The following RGS7 variants were observed in gnomAD, a reference collection of about 807,000 sequenced individuals.
RGS7 encodes regulator of G-protein signaling 7.
Under a neutral mutation model 81.1 loss-of-function variants are expected in RGS7, and 27 were observed. The ratio of observed to expected loss-of-function variants is 0.33; its 90% CI spans 0.25 to 0.46. The LOEUF (loss-of-function observed/expected upper bound fraction) is 0.46, where lower values mean the gene tolerates loss of function less well. Among genes scored for constraint, RGS7 ranks in the 20% least tolerant of loss-of-function variants. The probability of loss-of-function intolerance (pLI) is 1.00; values close to 1 mark genes in which losing one functional copy is unlikely to be tolerated. For synonymous variants in RGS7, 208 were observed against 207.7 expected, an observed-to-expected ratio of 1.00 and a Z score of -0.01; for missense variants, 396 against 607.4, an observed-to-expected ratio of 0.65 and a Z score of 3.66.
chr1:241,311,142 A>G (rs1297211211), intron 2 of RGS7, among the ~76,000 whole-genome samples: 1 of 152,226 alleles, frequency 6.6e-6, no homozygotes, highest in East Asian at 1.9e-4. Flanking sequence ...TAAGACAATT[A>G]AAAGTATTGC....
At chr1:241,219,255 T>G (rs2686234) in intron 2 of RGS7, among the ~76,000 whole-genome samples, 43,878 of 152,046 alleles carry the variant, frequency 0.29, 6,727 homozygotes, top group African/African-American at 0.4. Flanking sequence ...TCCCATGCTG[T>G]TCCTGTGGTA....
chr1:240,813,953 C>G (rs1450262877), intron 12 of RGS7, among the ~76,000 whole-genome samples: 5 of 152,156 alleles, frequency 3.3e-5, no homozygotes, highest in African/African-American at 1.2e-4. Context: ...CATGCCTAAG[C>G]CATGTAAATC....
chr1:241,020,146 T>C (rs1329906970), intron 3 of RGS7, among the ~76,000 whole-genome samples: 1 of 152,232 alleles, frequency 6.6e-6, no homozygotes, highest in Non-Finnish European at 1.5e-5. Context: ...ATGAAGTTGC[T>C]ACAGGGGATA....
chr1:240,973,941 T>C (rs1006645473), intron 4 of RGS7, among the ~76,000 whole-genome samples: 8 of 152,178 alleles, frequency 5.3e-5, no homozygotes, highest in Non-Finnish European at 8.8e-5. Flanking sequence ...TGTAATTTCA[T>C]TGGCAGTTTA....
intron 2 of RGS7, among the ~76,000 whole-genome samples, chr1:241,104,476 GA>G (rs11295990): frequency 0.097 from 14,731 of 152,086 alleles, 1,665 homozygotes; most frequent in African/African-American, 0.28. Flanking sequence ...TGTAAGCTAT[GA>G]AAAAAATCAT....
intron 2 of RGS7, among the ~76,000 whole-genome samples, chr1:241,216,263 C>A (rs1415117910): frequency 6.6e-6 from 1 of 151,298 alleles, no homozygotes; most frequent in African/African-American, 2.4e-5. Flanking sequence ...CAAAGCGAGA[C>A]CCTGTCTCAG....
chr1:241,080,961 C>T (rs1285225478), intron 3 of RGS7, among the ~76,000 whole-genome samples: 2 of 152,098 alleles, frequency 1.3e-5, no homozygotes, highest in African/African-American at 2.4e-5. Flanking sequence ...CACGTGGTTT[C>T]GAATATGGGT....
intron 2 of RGS7, among the ~76,000 whole-genome samples, chr1:241,220,693 A>T (rs2074840412): frequency 1.3e-5 from 2 of 152,136 alleles, no homozygotes; most frequent in African/African-American, 4.8e-5. Flanking sequence ...TATTAGTATT[A>T]TTAATACTTT....
At chr1:240,827,270 GC>G in intron 9 of RGS7, 98 bp from the exon 10 acceptor site, 6 of 928,326 alleles carry the variant, frequency 6.5e-6, no homozygotes, top group Non-Finnish European at 1.1e-5. Flanking sequence ...CCGAGCAAAT[GC>G]CCCAATGACA....
At chr1:240,960,232 T>TTTTGTTGTTG (rs71172665) in intron 4 of RGS7, among the ~76,000 whole-genome samples, 1 of 70,182 alleles carries the variant, frequency 1.4e-5, no homozygotes, top group Non-Finnish European at 3.1e-5. Context: ...TTTTTTTTTT[T>TTTTGTTGTTG]TTGTTGTTGT....
intron 2 of RGS7, among the ~76,000 whole-genome samples, chr1:241,127,582 A>G (rs1399989178): frequency 2.0e-5 from 3 of 152,096 alleles, no homozygotes; most frequent in African/African-American, 7.2e-5. Context: ...TAGGAGATAT[A>G]CCTAATGCTA....
intron 2 of RGS7, among the ~76,000 whole-genome samples, chr1:241,224,203 C>T (rs1017574643): frequency 3.9e-5 from 6 of 152,118 alleles, no homozygotes; most frequent in Admixed American, 1.3e-4. Flanking sequence ...CCCATCAACT[C>T]GTCACCTACA....
intron 6 of RGS7, among the ~76,000 whole-genome samples, chr1:240,916,662 C>T (rs1022085848): frequency 1.3e-5 from 2 of 152,060 alleles, no homozygotes; most frequent in African/African-American, 4.8e-5. Flanking sequence ...AGGAGATGGG[C>T]CTATACAGGG....
chr1:241,092,060 G>A (rs2063920715), intron 3 of RGS7, among the ~76,000 whole-genome samples: 3 of 152,126 alleles, frequency 2.0e-5, no homozygotes, highest in African/African-American at 7.2e-5. Context: ...AAGCACCCAT[G>A]ATTATGAATC....
At chr1:240,932,954 G>A (rs1377975200) in intron 5 of RGS7, among the ~76,000 whole-genome samples, 10 of 134,684 alleles carry the variant, frequency 7.4e-5, no homozygotes, top group African/African-American at 2.8e-4. Flanking sequence ...CGCGATCTCG[G>A]CTCACTGCAA....
chr1:240,822,467 C>T (rs777112943), intron 10 of RGS7, among the ~76,000 whole-genome samples: 2 of 152,108 alleles, frequency 1.3e-5, no homozygotes, highest in Admixed American at 6.5e-5. Context: ...AACATCTTCA[C>T]GTTTCTAATA....
At chr1:241,020,435 A>C (rs1346781158) in intron 3 of RGS7, among the ~76,000 whole-genome samples, 1 of 152,150 alleles carries the variant, frequency 6.6e-6, no homozygotes, top group Non-Finnish European at 1.5e-5. Context: ...CTATGGCTAC[A>C]TAACTCCCAT....
chr1:240,944,991 G>A (rs114947438), intron 4 of RGS7, among the ~76,000 whole-genome samples: 3,922 of 151,018 alleles, frequency 0.026, 171 homozygotes, highest in African/African-American at 0.091. Context: ...GATTACAGGC[G>A]TGTGCCACGC....
Position 241,220,987 on chromosome 1 carries a change from AAGG to A in RGS7, c.79-122228_79-122226del, listed in dbSNP as rs1297000302. Among the ~76,000 whole-genome samples, 195 of 60,174 alleles carry A rather than the reference AAGG, an allele frequency of 3.2e-3. 3 individuals are homozygous for A. Among genetic ancestry groups the A allele is most frequent in the African/African-American group, 8.8e-3 (163 of 18,494 alleles). The allele number at this position is 60,174 out of a possible 152,430, so 39.5% of individuals were successfully genotyped here. A position where few individuals can be genotyped will look rare whatever the true frequency, so the allele number is the denominator to read the frequency against. ...GAAGGAAGGAAGGAAGGAAGGAAGG[AAGG>A]AAGGAAGAGAGAGAGAAAGGAAGGA... On this transcript the variant is annotated intron_variant, in intron 2 of 18. Transcript: ENST00000440928.
Sources: allele counts gnomAD v4.1 joint callset (sites outside exome capture counted in the v4.1 genomes callset), GRCh38; gene constraint gnomAD v4.1.1; transcripts MANE v1.5; gene names NCBI Gene and HGNC (gene_info 2026-07-23, HGNC 2026-07-21).